Variants in ST8SIA1 observed in about 807,000 individuals in gnomAD.
ST8SIA1 encodes ST8 alpha-N-acetyl-neuraminide alpha-2,8-sialyltransferase 1.
Under a neutral mutation model 35.9 loss-of-function variants are expected in ST8SIA1, and 16 were observed. The observed-to-expected ratio is 0.45, with a 90% CI of 0.30 to 0.68. ST8SIA1 has a LOEUF of 0.68. Among genes scored for constraint, ST8SIA1 ranks in the 30% least tolerant of loss-of-function variants. The probability of loss-of-function intolerance (pLI) is 0.09; values close to 1 mark genes in which losing one functional copy is unlikely to be tolerated. For missense variants in ST8SIA1, 383 were observed against 453.6 expected (o/e 0.84, Z 1.41); for synonymous variants, 170 against 169.6 (o/e 1.00, Z -0.02).
chr12:22,282,848 A>T (rs7965135), intron 2 of ST8SIA1, among the ~76,000 whole-genome samples: 5,920 of 152,250 alleles, frequency 0.039, 399 homozygotes, highest in African/African-American at 0.13. Flanking sequence ...AAATGATTAC[A>T]ATAATATGAA....
intron 2 of ST8SIA1, among the ~76,000 whole-genome samples, chr12:22,278,044 C>A (rs186616837): frequency 6.6e-6 from 1 of 152,286 alleles, no homozygotes; most frequent in African/African-American, 2.4e-5. Flanking sequence ...GCAGTAGTTG[C>A]TCAATAAGTA....
At chr12:22,229,037 G>A (rs1197443636) in intron 4 of ST8SIA1, among the ~76,000 whole-genome samples, 1 of 130,870 alleles carries the variant, frequency 7.6e-6, no homozygotes, top group Non-Finnish European at 1.6e-5. Flanking sequence ...CTGGGTGACA[G>A]AGCAAGACTC....
intron 1 of ST8SIA1, among the ~76,000 whole-genome samples, chr12:22,319,727 G>T (rs1260484009): frequency 6.6e-6 from 1 of 152,090 alleles, no homozygotes; most frequent in Non-Finnish European, 1.5e-5. Flanking sequence ...TTGAGAATGG[G>T]GATTCTTCCC....
intron 4 of ST8SIA1, among the ~76,000 whole-genome samples, chr12:22,237,325 G>A (rs1254760397): frequency 3.3e-5 from 5 of 151,980 alleles, no homozygotes; most frequent in Admixed American, 6.6e-5. Flanking sequence ...TCAAACCCCT[G>A]GCCTCAAGCA....
At chr12:22,300,356 TA>T (rs1489084703) in intron 1 of ST8SIA1, among the ~76,000 whole-genome samples, 2 of 152,154 alleles carry the variant, frequency 1.3e-5, no homozygotes, top group Non-Finnish European at 2.9e-5. Flanking sequence ...TGTGAGATTG[TA>T]AGGCCAATAT....
At chr12:22,279,050 T>A (rs913493662) in intron 2 of ST8SIA1, among the ~76,000 whole-genome samples, 5 of 152,198 alleles carry the variant, frequency 3.3e-5, no homozygotes, top group African/African-American at 1.2e-4. Context: ...GAGCTAGACA[T>A]TGAAGACAGT....
In ST8SIA1 at chr12:22,255,261, T is replaced by C; in HGVS notation, c.491+19A>G. 6.2e-7 allele frequency: 1 copy of C among 1,605,282 alleles called. No individual in the cohort carries two copies. The highest frequency in any genetic ancestry group is 8.5e-7 in the Non-Finnish European group (1 of 1,172,000). ...AAAGGAGAGAAGGCAGAGGCCGCGC[T>C]GTGGGTGCTCTCTCTTACCGCATGA... is the stretch of plus-strand genomic sequence containing the variant. On this transcript the variant is annotated intron_variant, in intron 3 of 4. Coordinates refer to ENST00000396037, the MANE Select transcript of ST8SIA1 (RefSeq NM_003034.4).
chr12:22,226,751 A>G (rs1021035495), intron 4 of ST8SIA1, among the ~76,000 whole-genome samples: 1 of 152,076 alleles, frequency 6.6e-6, no homozygotes, highest in Non-Finnish European at 1.5e-5. Flanking sequence ...CTTTCTTTGC[A>G]ATTCTGCCTG....
chr12:22,332,428 C>G (rs1439261047), intron 1 of ST8SIA1, among the ~76,000 whole-genome samples: 1 of 152,192 alleles, frequency 6.6e-6, no homozygotes, highest in Non-Finnish European at 1.5e-5. Context: ...AAAATGGACT[C>G]TTTCATTGCA....
intron 1 of ST8SIA1, among the ~76,000 whole-genome samples, chr12:22,319,016 C>G (rs530968661): frequency 6.6e-6 from 1 of 152,220 alleles, no homozygotes; most frequent in African/African-American, 2.4e-5. Context: ...AAAAGAGGAG[C>G]TGATGCATAG....
chr12:22,239,854 T>C lies in ST8SIA1; in HGVS notation c.584+9152A>G, dbSNP rs150704173. Among the ~76,000 whole-genome samples, 329 of 152,350 alleles carry C rather than the reference T, an allele frequency of 2.2e-3. 2 individuals carry two copies. Among genetic ancestry groups the C allele is most frequent in the African/African-American group, 7.3e-3 (305 of 41,592 alleles). On this transcript the variant is annotated intron_variant, in intron 4 of 4. Transcript: ENST00000396037. ...CAATAGGCTCCTTCTCAGGACTTAA[T>C]ATGGGACACCCTCAACATGGTGAGT...
intron 1 of ST8SIA1, among the ~76,000 whole-genome samples, chr12:22,294,419 C>G (rs969632093): frequency 6.6e-6 from 1 of 152,168 alleles, no homozygotes; most frequent in Admixed American, 6.5e-5. Context: ...CTATCAAAAT[C>G]TCTTAAATTG....
intron 4 of ST8SIA1, among the ~76,000 whole-genome samples, chr12:22,239,524 C>T (rs1865515829): frequency 6.6e-6 from 1 of 152,080 alleles, no homozygotes; most frequent in Non-Finnish European, 1.5e-5. Flanking sequence ...TCAAGTCTAC[C>T]TATTTAATTT....
intron 4 of ST8SIA1, among the ~76,000 whole-genome samples, chr12:22,235,294 T>C (rs1441628248): frequency 1.3e-5 from 2 of 152,210 alleles, no homozygotes; most frequent in South Asian, 2.1e-4. Context: ...TTAAACAATA[T>C]ATAATCCAAT....
intron 4 of ST8SIA1, among the ~76,000 whole-genome samples, chr12:22,217,894 G>A (rs1865252119): frequency 6.6e-6 from 1 of 152,202 alleles, no homozygotes; most frequent in South Asian, 2.1e-4. Context: ...GCCTTGGTAT[G>A]TCTGTGCATT....
At chr12:22,235,639 C>T (rs1240123646) in intron 4 of ST8SIA1, among the ~76,000 whole-genome samples, 2 of 152,170 alleles carry the variant, frequency 1.3e-5, no homozygotes, top group Non-Finnish European at 2.9e-5. Context: ...ACACTTTACA[C>T]TTAAAGTTTG....
At chr12:22,293,681 C>G (rs76911514) in intron 1 of ST8SIA1, among the ~76,000 whole-genome samples, 1 of 152,138 alleles carries the variant, frequency 6.6e-6, no homozygotes, top group Non-Finnish European at 1.5e-5. Flanking sequence ...ATTTCATTCT[C>G]CTTCTTAATA....
intron 1 of ST8SIA1, chr12:22,326,379 A>T (rs1329398161): frequency 6.5e-6 from 1 of 152,728 alleles, no homozygotes; most frequent in Non-Finnish European, 1.5e-5. Context: ...GTCACATTTC[A>T]TTGTCAGATA....
Position 22,199,159 on chromosome 12 carries a change from C to CTT in ST8SIA1, c.*2391_*2392dup, listed in dbSNP as rs66890410. The CTT allele has an allele frequency of 0.5, 70,258 of 139,734 alleles. 19,187 individuals are homozygous for CTT. The highest frequency in any genetic ancestry group is 0.64 in the Middle Eastern group (174 of 272). The allele number at this position is 139,734 out of a possible 1,614,324, so 8.7% of individuals were successfully genotyped here. A position where few individuals can be genotyped will look rare whatever the true frequency, so the allele number is the denominator to read the frequency against. On this transcript the variant is annotated 3_prime_UTR_variant, in exon 5 of 5. Transcript: ENST00000396037. ...ATAATATTTTCTTTCTTTTTCTTTTCTTTTTTTTTTTTTTGAGACAGGGTC... is the reference window on the plus strand; with the variant it reads ...ATAATATTTTCTTTCTTTTTCTTTTCTTTTTTTTTTTTTTTTGAGACAGGGTC...
Sources: allele counts gnomAD v4.1 joint callset (sites outside exome capture counted in the v4.1 genomes callset), GRCh38; gene constraint gnomAD v4.1.1; transcripts MANE v1.5; gene names NCBI Gene and HGNC (gene_info 2026-07-23, HGNC 2026-07-21).